Variants in ZMAT4 observed in about 807,000 individuals in gnomAD.
The protein encoded by ZMAT4 is zinc finger matrin-type protein 4.
A neutral mutation model predicts 28.7 loss-of-function variants in ZMAT4; 17 were observed. That is an observed-to-expected ratio of 0.59 (90% CI 0.41 to 0.89). The LOEUF is 0.89. ZMAT4 is among the 40% of genes least tolerant of loss of function. The pLI is 0.00. For missense variants in ZMAT4, 240 were observed against 283.8 expected (o/e 0.85, Z 1.11); for synonymous variants, 117 against 109.2 (o/e 1.07, Z -0.44).
At chr8:40,597,211 A>G (rs1805135241) in intron 5 of ZMAT4, among the ~76,000 whole-genome samples, 1 of 152,230 alleles carries the variant, frequency 6.6e-6, no homozygotes, top group South Asian at 2.1e-4. Context: ...TAGTGCATGT[A>G]TACACTCAAT....
At chr8:40,753,721 A>G (rs1812553994) in intron 3 of ZMAT4, among the ~76,000 whole-genome samples, 1 of 152,238 alleles carries the variant, frequency 6.6e-6, no homozygotes, top group South Asian at 2.1e-4. Context: ...AGAGCCAAAC[A>G]GTATTGAGTT....
rs1459060564 is a variant in ZMAT4, at chr8:40,612,812, T to G, written c.578-31551A>C. Among the ~76,000 whole-genome samples, 7 of 24,672 alleles carry G rather than the reference T, an allele frequency of 2.8e-4. 1 individual carries two copies. The highest frequency in any genetic ancestry group is 1.5e-3 in the African/African-American group (7 of 4,772). 16.2% of individuals were successfully genotyped at this position (24,672 alleles called of 152,430 possible). On this transcript the variant is annotated intron_variant, in intron 5 of 6. Transcript: ENST00000297737. ...GTCATTCTCTGTATTTTGGTTTTTG[T>G]TTTTTTTTTTTTTTTTTGAGACGAA...
intron 6 of ZMAT4, among the ~76,000 whole-genome samples, chr8:40,566,285 A>G (rs1803921189): frequency 1.3e-5 from 2 of 152,142 alleles, no homozygotes; most frequent in Admixed American, 1.3e-4. Context: ...GTTATTTTAT[A>G]CTGGGTTTCT....
At chr8:40,788,681 T>A (rs1268522818) in intron 2 of ZMAT4, among the ~76,000 whole-genome samples, 1 of 151,800 alleles carries the variant, frequency 6.6e-6, no homozygotes, top group Non-Finnish European at 1.5e-5. Flanking sequence ...GTACACCAAC[T>A]CTTCCCAAAA....
chr8:40,639,113 G>A (rs1806908395), intron 5 of ZMAT4, among the ~76,000 whole-genome samples: 1 of 152,234 alleles, frequency 6.6e-6, no homozygotes, highest in Non-Finnish European at 1.5e-5. Flanking sequence ...CTGGCAATGG[G>A]AGGGACATAT....
intron 5 of ZMAT4, among the ~76,000 whole-genome samples, chr8:40,611,029 T>C (rs1392315705): frequency 1.3e-5 from 2 of 152,194 alleles, no homozygotes; most frequent in East Asian, 3.9e-4. Context: ...CTGCGAGTTC[T>C]GAGAACAGTG....
At chr8:40,538,816 T>C (rs1319384276) in intron 6 of ZMAT4, among the ~76,000 whole-genome samples, 1 of 152,138 alleles carries the variant, frequency 6.6e-6, no homozygotes, top group Admixed American at 6.5e-5. Flanking sequence ...AGAGTCTTCC[T>C]TTGTCATCCA....
intron 6 of ZMAT4, among the ~76,000 whole-genome samples, chr8:40,554,496 T>C (rs1245104995): frequency 1.3e-5 from 2 of 152,114 alleles, no homozygotes; most frequent in African/African-American, 2.4e-5. Context: ...TAAGCAATCA[T>C]AAACATGTGG....
At chr8:40,802,881 C>G (rs1407632974) in intron 2 of ZMAT4, among the ~76,000 whole-genome samples, 1 of 152,190 alleles carries the variant, frequency 6.6e-6, no homozygotes, top group Non-Finnish European at 1.5e-5. Flanking sequence ...GACAAATTGA[C>G]CAATGGAACA....
chr8:40,881,538 GAA>G (rs373957515), intron 1 of ZMAT4, among the ~76,000 whole-genome samples: 23,500 of 70,190 alleles, frequency 0.33, 3,725 homozygotes, highest in African/African-American at 0.35. Flanking sequence ...CAGAAAGAAA[GAA>G]AGAAAGAAAG....
intron 3 of ZMAT4, among the ~76,000 whole-genome samples, chr8:40,719,969 T>C (rs1301781309): frequency 6.6e-6 from 1 of 152,226 alleles, no homozygotes; most frequent in Non-Finnish European, 1.5e-5. Context: ...GAGTCCTGTC[T>C]GGATGTTAAG....
In ZMAT4 at chr8:40,669,574, A is replaced by G. The variant is rs150417852; in HGVS notation, c.577+5130T>C. Among the ~76,000 whole-genome samples, 220 of 152,184 alleles carry G rather than the reference A, an allele frequency of 1.4e-3. 1 individual carries two copies. The highest frequency in any genetic ancestry group is 4.9e-3 in the African/African-American group (202 of 41,508). ...AAGATGATGAGTACTTCCACTTAAC[A>G]TATAGTAAATATATTTTCTCTTCCT... On this transcript the variant is annotated intron_variant, in intron 5 of 6. Coordinates refer to ENST00000297737, the MANE Select transcript of ZMAT4 (RefSeq NM_024645.3).
At chr8:40,627,735 CT>C (rs1164964885) in intron 5 of ZMAT4, among the ~76,000 whole-genome samples, 1 of 152,178 alleles carries the variant, frequency 6.6e-6, no homozygotes, top group African/African-American at 2.4e-5. Context: ...AGAGAAGTAT[CT>C]TTTTTTCTTA....
chr8:40,644,281 G>A (rs1161887216), intron 5 of ZMAT4, among the ~76,000 whole-genome samples: 2 of 151,970 alleles, frequency 1.3e-5, no homozygotes, highest in Non-Finnish European at 2.9e-5. Flanking sequence ...TCATTCTCCA[G>A]AAAAAAAGGA....
intron 1 of ZMAT4, among the ~76,000 whole-genome samples, chr8:40,854,919 A>T (rs1029617608): frequency 3.9e-5 from 6 of 152,108 alleles, no homozygotes; most frequent in Non-Finnish European, 1.5e-5. Context: ...TAAAGGGCTA[A>T]TTATTGTTTT....
intron 5 of ZMAT4, among the ~76,000 whole-genome samples, chr8:40,627,626 C>T (rs1464539142): frequency 2.0e-5 from 3 of 152,144 alleles, no homozygotes; most frequent in Non-Finnish European, 4.4e-5. Context: ...GCAGGGAATA[C>T]AATTAAAACA....
At chr8:40,622,679 C>T (rs891436350) in intron 5 of ZMAT4, among the ~76,000 whole-genome samples, 2 of 152,170 alleles carry the variant, frequency 1.3e-5, no homozygotes, top group Admixed American at 1.3e-4. Context: ...CTGGTGAGGC[C>T]TCAGGAAGCT....
chr8:40,561,824 G>A (rs1014011637), intron 6 of ZMAT4, among the ~76,000 whole-genome samples: 2 of 152,126 alleles, frequency 1.3e-5, no homozygotes, highest in Admixed American at 1.3e-4. Context: ...TGTATTTTAT[G>A]TATGGCCCAA....
Position 40,788,963 on chromosome 8 carries a change from G to A in ZMAT4, c.103-21233C>T, listed in dbSNP as rs571279694. Among the ~76,000 whole-genome samples, 12 of 137,104 alleles carry A rather than the reference G, an allele frequency of 8.8e-5. No homozygotes were observed. In the South Asian group the frequency reaches 3.0e-3, roughly 35 times the overall value. 89.9% of individuals were successfully genotyped at this position (137,104 alleles called of 152,430 possible). On this transcript the variant is annotated intron_variant, in intron 2 of 6. Coordinates refer to ENST00000297737, the MANE Select transcript of ZMAT4 (RefSeq NM_024645.3). ...AATTTATCATACCTACAGAAAGAGAGAGAGGAAGGGAGGGAGGGAGGGAGG... is the reference window on the plus strand; with the variant it reads ...AATTTATCATACCTACAGAAAGAGAAAGAGGAAGGGAGGGAGGGAGGGAGG...
Sources: gnomAD v4.1 joint callset for allele counts (sites outside exome capture counted in the v4.1 genomes callset) on GRCh38, gnomAD v4.1.1 for gene constraint, MANE v1.5 for transcripts, NCBI Gene and HGNC (gene_info 2026-07-23, HGNC 2026-07-21) for gene names.